MYH9: variants seen among roughly 807,000 people sequenced by gnomAD.
The protein encoded by MYH9 is myosin-9.
MYH9 carries 29 observed loss-of-function variants against 241.9 expected under a neutral mutation model. The ratio of observed to expected loss-of-function variants is 0.12; its 90% CI spans 0.09 to 0.16. MYH9 has a LOEUF of 0.16. Ranked by LOEUF, MYH9 falls within the 10% of genes least tolerant of loss-of-function variation. The pLI, the probability that MYH9 is intolerant of heterozygous loss-of-function variation, is 1.00. For synonymous variants in MYH9, 1,047 were observed against 1,062.6 expected, an observed-to-expected ratio of 0.99 and a Z score of 0.29; for missense variants, 1,803 against 2,595.5, an observed-to-expected ratio of 0.69 and a Z score of 6.63.
intron 3 of MYH9, among the ~76,000 whole-genome samples, chr22:36,338,243 A>G (rs980085456): frequency 1.2e-4 from 18 of 151,568 alleles, no homozygotes; most frequent in African/African-American, 4.1e-4. Flanking sequence ...CAGGTGATCC[A>G]CCTGCCTCGG....
chr22:36,306,534 C>T lies in MYH9; in HGVS notation c.1917G>A (p.Arg639=). ...GCCCCACAGTGCGGAACATGCCCTT[C>T]CGCGTCTTGAAGGCCCCGGGCAGTG... ...ETALPGAFKT[R]KGMFRTVGQL... is the part of the protein sequence containing the mutation. Residue 639 remains arginine (R), a synonymous_variant, in exon 16 of 41, where the codon CGG becomes CGA. Transcript: ENST00000216181. This position sits in a 1 kb window ranked among gnomAD's most constrained non-coding sequence, Gnocchi z 4.1. 2.5e-6 allele frequency: 4 copies of T among 1,614,128 alleles called. No homozygotes were observed. Among genetic ancestry groups the T allele is most frequent in the South Asian group, 2.2e-5 (2 of 91,082 alleles).
At chr22:36,316,915 A>T (rs2146359530) in intron 11 of MYH9, among the ~76,000 whole-genome samples, 1 of 152,320 alleles carries the variant, frequency 6.6e-6, no homozygotes, top group African/African-American at 2.4e-5. Flanking sequence ...TTGAAATAAA[A>T]TGAGGACACA....
chr22:36,298,251 C>T (rs2016818960), intron 24 of MYH9, among the ~76,000 whole-genome samples: 1 of 152,118 alleles, frequency 6.6e-6, no homozygotes, highest in Non-Finnish European at 1.5e-5. Context: ...CCCTGTTCCC[C>T]CAGCTGTCCA....
chr22:36,294,643 A>G (rs2016760421), intron 27 of MYH9, among the ~76,000 whole-genome samples: 1 of 152,262 alleles, frequency 6.6e-6, no homozygotes, highest in African/African-American at 2.4e-5. Context: ...AAGGGGAACT[A>G]TAATTGTTTG....
At chr22:36,386,877 G>A (rs573116974) in intron 1 of MYH9, among the ~76,000 whole-genome samples, 2 of 152,386 alleles carry the variant, frequency 1.3e-5, no homozygotes, top group East Asian at 3.9e-4. Flanking sequence ...GCGTGGAGTG[G>A]AGAATAGAAA....
intron 12 of MYH9, among the ~76,000 whole-genome samples, 177 bp from the exon 13 acceptor site, chr22:36,314,495 CAACATTTACTCTTTGGAGCCAGT>C (rs1208023318): frequency 4.6e-5 from 7 of 152,286 alleles, no homozygotes; most frequent in Non-Finnish European, 1.0e-4. Flanking sequence ...CAGCAGTGGG[CAACATTTACTCTTTGGAGCCAGT>C]GACCGCGGGC....
intron 1 of MYH9, among the ~76,000 whole-genome samples, chr22:36,362,352 A>T (rs981941875): frequency 6.6e-6 from 1 of 152,186 alleles, no homozygotes; most frequent in Non-Finnish European, 1.5e-5. Flanking sequence ...CAATCCCAGG[A>T]GCTCCAGGGC....
Position 36,296,941 on chromosome 22 carries a change from T to A in MYH9, c.3174A>T (p.Thr1058=). 1.2e-6 allele frequency: 2 copies of A among 1,614,184 alleles called. No individual in the cohort carries two copies. Among genetic ancestry groups the A allele is most frequent in the Non-Finnish European group, 1.7e-6 (2 of 1,180,024 alleles). The change falls in exon 25 of 41, where the codon ACA becomes ACT. Residue 1058 remains threonine (T), a synonymous_variant. Transcript: ENST00000216181. Reference sequence around the variant, plus strand: ...GCTCGGCGATCTGGTCGCTGAGGTCTGTGGAGTCTCCCTCCAGCTTCCGGC... The same window carrying A: ...GCTCGGCGATCTGGTCGCTGAGGTCAGTGGAGTCTCCCTCCAGCTTCCGGC... ...KTRRKLEGDS[T]DLSDQIAELQ...
rs73167628 is a variant in MYH9 at position 36,322,070 on chromosome 22, C to T, written c.706-249G>A. The T allele has an allele frequency of 4.7e-3, 2,804 of 592,004 alleles. 7 individuals are homozygous for T. The highest frequency in any genetic ancestry group is 6.2e-3 in the Non-Finnish European group (2,063 of 332,478). The allele number at this position is 592,004 out of a possible 1,614,324, so 36.7% of individuals were successfully genotyped here. On this transcript the variant is annotated intron_variant, in intron 6 of 40. Transcript: ENST00000216181. ...AGCTGATCCCACACCCAGGTTCCTC[C>T]GCAGAGGGGGAAAGAGACCAGTTAT...
At chr22:36,310,958 T>C (rs2146353412) in intron 14 of MYH9, among the ~76,000 whole-genome samples, 1 of 152,284 alleles carries the variant, frequency 6.6e-6, no homozygotes, top group South Asian at 2.1e-4. Flanking sequence ...TTTAAGACAG[T>C]TGCTTCCGCA....
intron 5 of MYH9, among the ~76,000 whole-genome samples, chr22:36,323,499 T>C (rs947417260): frequency 6.6e-6 from 1 of 152,114 alleles, no homozygotes; most frequent in African/African-American, 2.4e-5. Context: ...TTTGTATTTA[T>C]TAAAGACTGG....
chr22:36,314,511 G>A (rs749976935), intron 12 of MYH9, among the ~76,000 whole-genome samples, 193 bp from the exon 13 acceptor site: 4 of 152,194 alleles, frequency 2.6e-5, no homozygotes, highest in Non-Finnish European at 4.4e-5. Flanking sequence ...TTACTCTTTG[G>A]AGCCAGTGAC....
Position 36,330,064 on chromosome 22 carries a change from G to A in MYH9, c.491-2576C>T, listed in dbSNP as rs1381234337. Among the ~76,000 whole-genome samples, 2 of 152,184 alleles carry A rather than the reference G, an allele frequency of 1.3e-5. No homozygotes were observed. The highest frequency in any genetic ancestry group is 2.9e-5 in the Non-Finnish European group (2 of 68,026). ...ATGCACACACACGGATGTATGCACA[G>A]GCACACACACTTCAAATTCCGAAAC... On this transcript the variant is annotated intron_variant, in intron 3 of 40. Transcript: ENST00000216181. This position sits in a 1 kb window ranked among gnomAD's most constrained non-coding sequence, Gnocchi z 4.5.
chr22:36,288,188 CCT>C lies in MYH9; in HGVS notation c.4932+62_4932+63del. ...TCCCGCCCTGGGCCGAGCCCTGGCA[CCT>C]TCATATGTAGTTGGCTCAGTCGGGT... On this transcript the variant is annotated intron_variant, in intron 34 of 40. Transcript: ENST00000216181. This position sits in a 1 kb window ranked among gnomAD's most constrained non-coding sequence, Gnocchi z 4.8. 1.9e-6 allele frequency: 3 copies of C among 1,601,460 alleles called. No homozygotes were observed. Among genetic ancestry groups the C allele is most frequent in the Non-Finnish European group, 2.6e-6 (3 of 1,174,478 alleles).
intron 35 of MYH9, 127 bp downstream of exon 35, chr22:36,286,591 T>G: frequency 1.5e-6 from 2 of 1,356,488 alleles, no homozygotes; most frequent in Non-Finnish European, 2.1e-6. Context: ...TTATGTAACC[T>G]GAGAGCCATC....
In MYH9 at chr22:36,296,797, G is replaced by A. The variant is rs763963941; in HGVS notation, c.3272+46C>T. 4 of 1,562,924 alleles carry A rather than the reference G, an allele frequency of 2.6e-6. No homozygotes were observed. The Admixed American group carries it at 5.4e-5, about 21-fold the overall frequency. ...CTAGGGCCAGCAGCAAGCAGGAAGG[G>A]CTGGCCCAGGCCACCTGGCCTCAGG... On this transcript the variant is annotated intron_variant, in intron 25 of 40. Coordinates refer to ENST00000216181, the MANE Select transcript of MYH9 (RefSeq NM_002473.6).
chr22:36,288,538 T>C lies in MYH9; in HGVS notation c.4771-125A>G. 2.2e-6 allele frequency: 3 copies of C among 1,389,234 alleles called. No individual in the cohort carries two copies. In the South Asian group the frequency reaches 3.5e-5, roughly 16 times the overall value. The allele number at this position is 1,389,234 out of a possible 1,614,324, so 86.1% of individuals were successfully genotyped here. A position where few individuals can be genotyped will look rare whatever the true frequency, so the allele number is the denominator to read the frequency against. On this transcript the variant is annotated intron_variant, in intron 33 of 40. Transcript: ENST00000216181. The surrounding 1 kb of genome is among the most constrained non-coding windows in gnomAD (Gnocchi z 4.8). ...TGGGGCCTCGGGAAACCAGTGGGGATTACTGACCATAAGAACTCTAAGAAA... is the reference window on the plus strand; with the variant it reads ...TGGGGCCTCGGGAAACCAGTGGGGACTACTGACCATAAGAACTCTAAGAAA...
chr22:36,303,673 A>G (rs2016921459), intron 19 of MYH9, among the ~76,000 whole-genome samples: 1 of 151,750 alleles, frequency 6.6e-6, no homozygotes, highest in South Asian at 2.1e-4. Context: ...AACCTCAGCT[A>G]CTAAGTGAGG....
chr22:36,286,647 G>C, intron 35 of MYH9, 71 bp downstream of exon 35: 3 of 1,601,090 alleles, frequency 1.9e-6, no homozygotes, highest in Non-Finnish European at 2.5e-6. Flanking sequence ...CCTGTCCTCA[G>C]CTGAAAGCCC....
Sources: allele counts gnomAD v4.1 joint callset (sites outside exome capture counted in the v4.1 genomes callset), GRCh38; gene constraint gnomAD v4.1.1; non-coding constraint Gnocchi (gnomAD v3.1); transcripts MANE v1.5; gene names NCBI Gene and HGNC (gene_info 2026-07-23, HGNC 2026-07-21).